The following PIAS1 variants were observed in gnomAD, a reference collection of about 807,000 sequenced individuals.
PIAS1 encodes the protein protein inhibitor of activated STAT 1.
A neutral mutation model predicts 71.3 loss-of-function variants in PIAS1; 6 were observed. The ratio of observed to expected loss-of-function variants is 0.08; its 90% CI spans 0.05 to 0.17. PIAS1 has a LOEUF of 0.17. Ranked by LOEUF, PIAS1 falls within the 10% of genes least tolerant of loss-of-function variation. The pLI is 1.00. For synonymous variants in PIAS1, 303 were observed against 292.9 expected, an observed-to-expected ratio of 1.03 and a Z score of -0.35; for missense variants, 555 against 793.6, an observed-to-expected ratio of 0.70 and a Z score of 3.61.
At chr15:68,134,760 A>G (rs2092711506) in intron 2 of PIAS1, among the ~76,000 whole-genome samples, 1 of 37,830 alleles carries the variant, frequency 2.6e-5, no homozygotes, top group Non-Finnish European at 1.0e-4. Context: ...CTGGCCGGGC[A>G]GAGGGGCTCC....
At chr15:68,060,000 A>G (rs1250941591) in intron 1 of PIAS1, among the ~76,000 whole-genome samples, 1 of 152,138 alleles carries the variant, frequency 6.6e-6, no homozygotes, top group East Asian at 1.9e-4. Flanking sequence ...TTTATTGTTT[A>G]TGTTTCTGTA....
intron 2 of PIAS1, among the ~76,000 whole-genome samples, chr15:68,104,401 C>G (rs961659603): frequency 6.6e-6 from 1 of 151,966 alleles, no homozygotes; most frequent in Non-Finnish European, 1.5e-5. Flanking sequence ...TGAAATTTTA[C>G]CCAACACATT....
intron 7 of PIAS1, among the ~76,000 whole-genome samples, chr15:68,160,553 T>C (rs544043460): frequency 1.3e-5 from 2 of 152,356 alleles, no homozygotes; most frequent in East Asian, 3.9e-4. Flanking sequence ...AATTTTGTTT[T>C]TCTTTTTCAG....
intron 1 of PIAS1, among the ~76,000 whole-genome samples, chr15:68,072,654 T>C (rs951293111): frequency 6.6e-6 from 1 of 152,304 alleles, no homozygotes; most frequent in East Asian, 1.9e-4. Flanking sequence ...ATCTTCTTAA[T>C]GTTATGCCTT....
chr15:68,062,027 T>G (rs1004883169), intron 1 of PIAS1, among the ~76,000 whole-genome samples: 1 of 152,228 alleles, frequency 6.6e-6, no homozygotes, highest in African/African-American at 2.4e-5. Context: ...AAGATTTGTT[T>G]CTGTCAGAGA....
rs1597146910 is a variant in PIAS1, at chr15:68,083,675, G to A, written c.25-2631G>A. On this transcript the variant is annotated intron_variant, in intron 1 of 13. Transcript: ENST00000249636. ...GAACCAGTTGCATGACATTCAACAC[G>A]TTTCTTAACCTTGCTAAGTCTTATT... is the stretch of plus-strand genomic sequence containing the variant. Among the ~76,000 whole-genome samples the A allele has an allele frequency of 2.6e-5, 4 of 151,506 alleles. No homozygotes were observed. In the South Asian group the frequency reaches 8.4e-4, roughly 32 times the overall value.
chr15:68,156,089 ATTGTG>A (rs773283305), intron 7 of PIAS1, among the ~76,000 whole-genome samples: 3 of 152,202 alleles, frequency 2.0e-5, no homozygotes, highest in Non-Finnish European at 1.5e-5. Flanking sequence ...CATTCAAGAA[ATTGTG>A]TTAAGAGTCT....
intron 2 of PIAS1, among the ~76,000 whole-genome samples, chr15:68,133,435 T>TA (rs1026392862): frequency 1.3e-5 from 2 of 151,512 alleles, no homozygotes; most frequent in African/African-American, 4.9e-5. Flanking sequence ...CTAGATGAAT[T>TA]AAAAAAAATG....
Position 68,171,630 on chromosome 15 carries a change from G to T in PIAS1, c.1009-2102G>T, listed in dbSNP as rs1423483575. 1.3e-5 allele frequency among the ~76,000 whole-genome samples: 2 copies of T among 152,128 alleles called. No individual in the cohort carries two copies. Among genetic ancestry groups the T allele is most frequent in the Non-Finnish European group, 2.9e-5 (2 of 68,022 alleles). ...TCAGTAAGTTTATAGCATGTTCAGT[G>T]TTCTATTTTTATTCATCATGGCTAC... On this transcript the variant is annotated intron_variant, in intron 8 of 13. Transcript: ENST00000249636. The surrounding 1 kb of genome is among the most constrained non-coding windows in gnomAD (Gnocchi z 4.4).
chr15:68,115,060 G>A (rs952621391), intron 2 of PIAS1, among the ~76,000 whole-genome samples: 4 of 152,008 alleles, frequency 2.6e-5, no homozygotes, highest in Non-Finnish European at 5.9e-5. Context: ...AACACCACTA[G>A]AACATTTCAT....
intron 10 of PIAS1, 121 bp from the exon 11 acceptor site, chr15:68,176,353 C>G (rs2093020068): frequency 1.9e-6 from 1 of 526,066 alleles, no homozygotes; most frequent in South Asian, 5.8e-5. Flanking sequence ...TGTTGGTTTT[C>G]TACTCTCTGG....
At chr15:68,180,631 G>A (rs186735814) in intron 11 of PIAS1, among the ~76,000 whole-genome samples, 2 of 151,800 alleles carry the variant, frequency 1.3e-5, no homozygotes, top group Admixed American at 1.3e-4. Flanking sequence ...AGATTCAGCA[G>A]GGCTTTTATG....
intron 1 of PIAS1, among the ~76,000 whole-genome samples, chr15:68,079,814 A>G (rs2092209707): frequency 6.6e-6 from 1 of 151,460 alleles, no homozygotes; most frequent in Non-Finnish European, 1.5e-5. Flanking sequence ...CTCCAATGTT[A>G]TAACATTCTG....
intron 2 of PIAS1, among the ~76,000 whole-genome samples, chr15:68,100,820 T>A (rs1353008286): frequency 6.6e-6 from 1 of 152,180 alleles, no homozygotes. Flanking sequence ...CAGCATTTGA[T>A]GCTATCACTA....
chr15:68,152,727 TCTCTTGATCTTC>T (rs1272684515), intron 6 of PIAS1, among the ~76,000 whole-genome samples: 4 of 152,150 alleles, frequency 2.6e-5, no homozygotes, highest in African/African-American at 7.2e-5. Context: ...TCTTTTCAAG[TCTCTTGATCTTC>T]CTCTTGATCC....
At chr15:68,183,398 C>T (rs2093068158) in intron 12 of PIAS1, among the ~76,000 whole-genome samples, 1 of 152,280 alleles carries the variant, frequency 6.6e-6, no homozygotes, top group Middle Eastern at 3.4e-3. Context: ...GTAATGGCCC[C>T]AGTCCCCCAA....
intron 2 of PIAS1, among the ~76,000 whole-genome samples, chr15:68,095,527 CTTTT>C (rs1161480690): frequency 7.6e-6 from 1 of 131,972 alleles, no homozygotes. Context: ...TTAAGACATT[CTTTT>C]TTTTTTTTTT....
At chr15:68,092,624 C>T (rs907747387) in intron 2 of PIAS1, among the ~76,000 whole-genome samples, 2 of 152,110 alleles carry the variant, frequency 1.3e-5, no homozygotes, top group African/African-American at 4.8e-5. Flanking sequence ...AGAGGTGGGG[C>T]CTTTAGCAGG....
At chr15:68,146,893 T>G (rs1296503766) in intron 6 of PIAS1, among the ~76,000 whole-genome samples, 193 bp downstream of exon 6, 1 of 152,208 alleles carries the variant, frequency 6.6e-6, no homozygotes, top group Non-Finnish European at 1.5e-5. Context: ...AACCTGGCCC[T>G]TTTACTCCAC....
Sources: gnomAD v4.1 joint callset for allele counts (sites outside exome capture counted in the v4.1 genomes callset) on GRCh38, gnomAD v4.1.1 for gene constraint, Gnocchi (gnomAD v3.1) non-coding constraint, MANE v1.5 for transcripts, NCBI Gene and HGNC (gene_info 2026-07-23, HGNC 2026-07-21) for gene names.